MIPEP: variants seen among roughly 807,000 people sequenced by gnomAD.
The protein encoded by MIPEP is mitochondrial intermediate peptidase.
In MIPEP, 79 loss-of-function variants were observed where a neutral mutation model predicts 90.3. That is an observed-to-expected ratio of 0.87 (90% CI 0.73 to 1.05). The LOEUF (loss-of-function observed/expected upper bound fraction) is 1.05. Among genes scored for constraint, MIPEP ranks in the 50% least tolerant of loss-of-function variants. The probability of loss-of-function intolerance (pLI) is 0.00; values close to 1 mark genes in which losing one functional copy is unlikely to be tolerated. For missense variants in MIPEP, 940 were observed against 905.6 expected (o/e 1.04, Z -0.49); for synonymous variants, 334 against 315.8 (o/e 1.06, Z -0.61).
In MIPEP at chr13:23,813,342, C is replaced by T. The variant is rs115185514; in HGVS notation, c.1654-3418G>A. Among the ~76,000 whole-genome samples the T allele has an allele frequency of 5.6e-3, 858 of 152,164 alleles. 8 individuals carry two copies. The highest frequency in any genetic ancestry group is 0.019 in the African/African-American group (804 of 41,506). On this transcript the variant is annotated intron_variant, in intron 14 of 18. Transcript: ENST00000382172. ...ATGGGGGAACTGGTTCCGGGACCTC[C>T]TAAGGATACCAAGATCTGTAGATGT...
chr13:23,886,644 C>A, intron 1 of MIPEP, 138 bp from the exon 2 acceptor site: 1 of 541,632 alleles, frequency 1.8e-6, no homozygotes, highest in Non-Finnish European at 3.0e-6. Context: ...ATCACAGATA[C>A]CACTATCATA....
intron 14 of MIPEP, among the ~76,000 whole-genome samples, chr13:23,828,658 TG>T (rs1449787347): frequency 6.6e-6 from 1 of 152,172 alleles, no homozygotes; most frequent in Non-Finnish European, 1.5e-5. Context: ...CAAAGACTTT[TG>T]AAAAGACCCA....
intron 12 of MIPEP, among the ~76,000 whole-genome samples, chr13:23,838,494 A>G (rs371306677): frequency 5.9e-5 from 9 of 152,144 alleles, no homozygotes; most frequent in African/African-American, 2.2e-4. Context: ...AAACTAGTGT[A>G]AAGCAAGGGA....
intron 14 of MIPEP, among the ~76,000 whole-genome samples, chr13:23,824,026 A>G (rs183839845): frequency 1.3e-5 from 2 of 152,358 alleles, no homozygotes; most frequent in East Asian, 3.9e-4. Flanking sequence ...TTGACCACGC[A>G]TAGGAACAAA....
chr13:23,814,916 C>T (rs1953216382), intron 14 of MIPEP, among the ~76,000 whole-genome samples: 1 of 152,166 alleles, frequency 6.6e-6, no homozygotes, highest in African/African-American at 2.4e-5. Flanking sequence ...AGTTTGAATC[C>T]CAACTGTGCT....
At chr13:23,744,061 T>C (rs1952359070) in intron 18 of MIPEP, among the ~76,000 whole-genome samples, 1 of 152,250 alleles carries the variant, frequency 6.6e-6, no homozygotes, top group Non-Finnish European at 1.5e-5. Context: ...CCTCATTTAT[T>C]CCTGCTACGC....
At chr13:23,771,966 G>C (rs1050221936) in intron 16 of MIPEP, among the ~76,000 whole-genome samples, 5 of 152,068 alleles carry the variant, frequency 3.3e-5, no homozygotes, top group Non-Finnish European at 7.3e-5. Flanking sequence ...TGTGTCTTAC[G>C]AAGGATTATG....
At chr13:23,735,913 C>CA (rs776366706) in intron 18 of MIPEP, among the ~76,000 whole-genome samples, 3,626 of 151,436 alleles carry the variant, frequency 0.024, 140 homozygotes, top group African/African-American at 0.078. Flanking sequence ...AAAAAAAAAA[C>CA]AAAAAAAACA....
chr13:23,861,429 T>C (rs1266093811), intron 9 of MIPEP, among the ~76,000 whole-genome samples: 1 of 152,176 alleles, frequency 6.6e-6, no homozygotes, highest in African/African-American at 2.4e-5. Flanking sequence ...TGACTAACAG[T>C]AGTTACTTTG....
intron 14 of MIPEP, among the ~76,000 whole-genome samples, chr13:23,834,956 C>T (rs767651835): frequency 1.2e-4 from 18 of 151,682 alleles, no homozygotes; most frequent in Non-Finnish European, 1.2e-4. Flanking sequence ...AATCTGCCAC[C>T]GTAATAACTG....
At chr13:23,783,152 G>A (rs4486728) in intron 16 of MIPEP, among the ~76,000 whole-genome samples, 106,516 of 151,740 alleles carry the variant, frequency 0.7, 39,842 homozygotes, top group Non-Finnish European at 0.83. Flanking sequence ...AGACACAACC[G>A]AAAAAGAGAA....
Position 23,777,408 on chromosome 13 carries a change from T to C in MIPEP, c.1849-17191A>G, listed in dbSNP as rs149344292. Among the ~76,000 whole-genome samples the C allele has an allele frequency of 8.5e-5, 13 of 152,290 alleles. No homozygotes were observed. In the East Asian group the frequency reaches 2.5e-3, roughly 29 times the overall value. On this transcript the variant is annotated intron_variant, in intron 16 of 18. Transcript: ENST00000382172. ...CTATGTTTTGCTAACCATTCTGAGA[T>C]GCACCATCCTAGAAAATAAAAGACA...
rs557673098 is a variant in MIPEP at position 23,760,597 on chromosome 13, A to G, written c.1849-380T>C. Reference sequence around the variant, plus strand: ...TGGGCACAGAGGAAAGGCTGTCTGCAAGCCAAAGAGGCCTCGGGAGAAGCC... The same window carrying G: ...TGGGCACAGAGGAAAGGCTGTCTGCGAGCCAAAGAGGCCTCGGGAGAAGCC... On this transcript the variant is annotated intron_variant, in intron 16 of 18. Coordinates refer to ENST00000382172, the MANE Select transcript of MIPEP (RefSeq NM_005932.4). The G allele has an allele frequency of 5.6e-6, 3 of 535,536 alleles. No individual in the cohort carries two copies. In the Admixed American group the frequency reaches 5.8e-5, roughly 10 times the overall value. The allele number at this position is 535,536 out of a possible 1,614,324, so 33.2% of individuals were successfully genotyped here. A position where few individuals can be genotyped will look rare whatever the true frequency, so the allele number is the denominator to read the frequency against.
At chr13:23,763,906 G>T (rs922620948) in intron 16 of MIPEP, among the ~76,000 whole-genome samples, 3 of 152,114 alleles carry the variant, frequency 2.0e-5, no homozygotes, top group Non-Finnish European at 4.4e-5. Context: ...TTCCACTGTT[G>T]TTTGAACACA....
chr13:23,814,727 C>T (rs897434428), intron 14 of MIPEP, among the ~76,000 whole-genome samples: 2 of 152,204 alleles, frequency 1.3e-5, no homozygotes, highest in Admixed American at 6.5e-5. Context: ...TAACTCCTGA[C>T]CATCGAAATG....
chr13:23,869,542 G>A, intron 6 of MIPEP, 94 bp from the exon 7 acceptor site: 1 of 1,127,190 alleles, frequency 8.9e-7, no homozygotes. Flanking sequence ...TTGATCTGCA[G>A]ATGATCACTG....
At chr13:23,755,221 A>G (rs73446193) in intron 18 of MIPEP, among the ~76,000 whole-genome samples, 4,047 of 152,362 alleles carry the variant, frequency 0.027, 195 homozygotes, top group African/African-American at 0.092. Flanking sequence ...GAATGAATGC[A>G]GTCTCCAAAA....
In MIPEP at chr13:23,840,061, A is replaced by G. The variant is rs189745084; in HGVS notation, c.1261-335T>C. Among the ~76,000 whole-genome samples the G allele has an allele frequency of 2.0e-5, 3 of 152,256 alleles. No homozygotes were observed. The East Asian group carries it at 5.8e-4, about 29-fold the overall frequency. On this transcript the variant is annotated intron_variant, in intron 11 of 18. Transcript: ENST00000382172. ...GGCTGGACAATTTTAGGAGCAAATT[A>G]TTTTTCCTTCAAATCCTGGAATGTC...
intron 15 of MIPEP, among the ~76,000 whole-genome samples, chr13:23,807,674 A>T (rs1953125752): frequency 6.6e-6 from 1 of 152,186 alleles, no homozygotes; most frequent in African/African-American, 2.4e-5. Context: ...ATAATCAGGG[A>T]GGCCAAAATT....
Sources: allele counts gnomAD v4.1 joint callset (sites outside exome capture counted in the v4.1 genomes callset), GRCh38; gene constraint gnomAD v4.1.1; transcripts MANE v1.5; gene names NCBI Gene and HGNC (gene_info 2026-07-23, HGNC 2026-07-21).